Variants in LHFPL3 observed in about 807,000 individuals in gnomAD.
LHFPL3 encodes LHFPL tetraspan subfamily member 3, also known as LHFPL tetraspan subfamily member 3 protein.
LHFPL3 carries 5 observed loss-of-function variants against 19.3 expected under a neutral mutation model. The ratio of observed to expected loss-of-function variants is 0.26; its 90% CI spans 0.14 to 0.54. LHFPL3 has a LOEUF of 0.54. LHFPL3 is among the 20% of genes least tolerant of loss of function. LHFPL3 has a pLI of 0.94. For synonymous variants in LHFPL3, 133 were observed against 126.2 expected (o/e 1.05, Z -0.36); for missense variants, 249 against 307.4 (o/e 0.81, Z 1.42).
intron 1 of LHFPL3, among the ~76,000 whole-genome samples, chr7:104,642,399 C>T (rs575715727): frequency 1.3e-5 from 2 of 152,186 alleles, no homozygotes; most frequent in South Asian, 4.2e-4. Context: ...TTCTACTGAC[C>T]AACATAACTT....
At chr7:104,816,287 A>C (rs568443552) in intron 2 of LHFPL3, among the ~76,000 whole-genome samples, 1 of 152,220 alleles carries the variant, frequency 6.6e-6, no homozygotes, top group Admixed American at 6.5e-5. Context: ...TCTCATACCT[A>C]TTACAGAAAC....
intron 1 of LHFPL3, among the ~76,000 whole-genome samples, chr7:104,605,987 C>T (rs1348707341): frequency 6.6e-6 from 1 of 152,020 alleles, no homozygotes; most frequent in East Asian, 1.9e-4. Flanking sequence ...AATATAAAGG[C>T]ATTGGTTGGC....
At chr7:104,845,511 TTC>T in intron 2 of LHFPL3, 2 of 1,481,076 alleles carry the variant, frequency 1.4e-6, no homozygotes, top group Non-Finnish European at 9.0e-7. Flanking sequence ...CTCCGCTGTT[TTC>T]TGATTCCCGC....
intron 1 of LHFPL3, among the ~76,000 whole-genome samples, chr7:104,548,591 G>A (rs1010646941): frequency 1.3e-5 from 2 of 152,090 alleles, no homozygotes; most frequent in South Asian, 2.1e-4. Context: ...AAGATGGAAC[G>A]AAATAAAGAA....
intron 1 of LHFPL3, among the ~76,000 whole-genome samples, chr7:104,732,332 C>T (rs1198098148): frequency 2.0e-5 from 3 of 152,096 alleles, no homozygotes; most frequent in Non-Finnish European, 2.9e-5. Flanking sequence ...TGGTAGAATT[C>T]GGCTGTGAAT....
intron 1 of LHFPL3, among the ~76,000 whole-genome samples, chr7:104,570,908 A>G (rs1288338630): frequency 6.6e-6 from 1 of 152,082 alleles, no homozygotes; most frequent in African/African-American, 2.4e-5. Context: ...TACTTAAATA[A>G]TCCTGCTTTC....
intron 1 of LHFPL3, among the ~76,000 whole-genome samples, chr7:104,734,432 T>C (rs1445940461): frequency 1.3e-5 from 2 of 152,218 alleles, no homozygotes; most frequent in Non-Finnish European, 2.9e-5. Flanking sequence ...TTATTCTTTT[T>C]TCTCTAAACC....
chr7:104,734,352 A>C (rs1793763881), intron 1 of LHFPL3, among the ~76,000 whole-genome samples: 1 of 152,342 alleles, frequency 6.6e-6, no homozygotes, highest in South Asian at 2.1e-4. Context: ...ACTTTAAGCT[A>C]CACCAATCAG....
chr7:104,372,094 A>C (rs1012742241), intron 1 of LHFPL3, among the ~76,000 whole-genome samples: 3 of 152,202 alleles, frequency 2.0e-5, no homozygotes, highest in Admixed American at 1.3e-4. Flanking sequence ...TACTGTTCCA[A>C]ACAGTCATTA....
At chr7:104,832,994 T>TATATATTATATATATATTATATATAATAG (rs1562807949) in intron 2 of LHFPL3, among the ~76,000 whole-genome samples, 1 of 23,390 alleles carries the variant, frequency 4.3e-5, no homozygotes, top group African/African-American at 1.4e-4. Flanking sequence ...TTATAGGACA[T>TATATATTATATATATATTATATATAATAG]ATATATTATA....
intron 2 of LHFPL3, among the ~76,000 whole-genome samples, chr7:104,840,299 G>A (rs902205279): frequency 3.4e-4 from 43 of 127,020 alleles, no homozygotes; most frequent in African/African-American, 1.1e-3. Flanking sequence ...GTCTTTTCTT[G>A]TGGGTTTTCT....
intron 1 of LHFPL3, among the ~76,000 whole-genome samples, chr7:104,350,594 T>G (rs541703921): frequency 2.1e-4 from 32 of 152,346 alleles, no homozygotes; most frequent in African/African-American, 7.2e-4. Context: ...TAGATGCTGT[T>G]GAAACAGCAG....
chr7:104,513,769 T>C (rs1418455951), intron 1 of LHFPL3, among the ~76,000 whole-genome samples: 1 of 152,188 alleles, frequency 6.6e-6, no homozygotes, highest in African/African-American at 2.4e-5. Context: ...CCCCAAGAAT[T>C]CTGATTAAAG....
intron 1 of LHFPL3, among the ~76,000 whole-genome samples, chr7:104,481,300 T>C (rs149644460): frequency 1.9e-3 from 285 of 152,344 alleles, no homozygotes; most frequent in African/African-American, 6.3e-3. Context: ...AGAATCTTTC[T>C]GAAATGCCAA....
chr7:104,854,143 G>T lies in LHFPL3; in HGVS notation c.683-52044G>T, dbSNP rs541290714. ...ATACATAGGAGATACCCAGAGACAT[G>T]AGCAAATTTCAAAGAGGTGGCTTTA... On this transcript the variant is annotated intron_variant, in intron 2 of 2. Coordinates refer to ENST00000424859, the MANE Select transcript of LHFPL3 (RefSeq NM_199000.3). 6.6e-5 allele frequency among the ~76,000 whole-genome samples: 10 copies of T among 152,304 alleles called. No individual in the cohort carries two copies. The South Asian group carries it at 1.9e-3, about 28-fold the overall frequency.
At chr7:104,507,010 GT>G (rs1022878250) in intron 1 of LHFPL3, among the ~76,000 whole-genome samples, 4 of 152,032 alleles carry the variant, frequency 2.6e-5, no homozygotes, top group African/African-American at 7.3e-5. Context: ...TATTAAGAAA[GT>G]TTTTTTTAGA....
At chr7:104,693,912 C>T (rs865885272) in intron 1 of LHFPL3, among the ~76,000 whole-genome samples, 35 of 151,368 alleles carry the variant, frequency 2.3e-4, no homozygotes, top group South Asian at 8.3e-4. Context: ...ATTACAGGCG[C>T]GAGCCACTGC....
chr7:104,542,561 A>G (rs1794506224), intron 1 of LHFPL3, among the ~76,000 whole-genome samples: 1 of 152,134 alleles, frequency 6.6e-6, no homozygotes, highest in African/African-American at 2.4e-5. Context: ...TACCTTCCCC[A>G]AAGTGGAATC....
chr7:104,667,714 A>T (rs1792383017), intron 1 of LHFPL3: 2 of 1,447,380 alleles, frequency 1.4e-6, no homozygotes, highest in African/African-American at 2.8e-5. Flanking sequence ...AGGAGTACTT[A>T]AAGAAATACA....
Sources: allele counts gnomAD v4.1 joint callset (sites outside exome capture counted in the v4.1 genomes callset), GRCh38; gene constraint gnomAD v4.1.1; transcripts MANE v1.5; gene names NCBI Gene and HGNC (gene_info 2026-07-23, HGNC 2026-07-21).